Variants in DOT1L observed in about 807,000 individuals in gnomAD.
The protein encoded by DOT1L is DOT1 like histone lysine methyltransferase.
Under a neutral mutation model 153.3 loss-of-function variants are expected in DOT1L, and 33 were observed. That is an observed-to-expected ratio of 0.22 (90% CI 0.16 to 0.29). The LOEUF is 0.29. DOT1L is among the 10% of genes least tolerant of loss of function. DOT1L has a pLI of 1.00. For synonymous variants in DOT1L, 1,135 were observed against 965.1 expected (o/e 1.18, Z -3.26); for missense variants, 1,847 against 2,119.9 (o/e 0.87, Z 2.53).
At chr19:2,216,128 C>T in intron 19 of DOT1L, 153 bp from the exon 20 acceptor site, 4 of 1,171,694 alleles carry the variant, frequency 3.4e-6, no homozygotes, top group Non-Finnish European at 4.7e-6. Flanking sequence ...AGCTTCCCGA[C>T]CCCGCCTCTA....
intron 5 of DOT1L, among the ~76,000 whole-genome samples, chr19:2,192,460 G>A (rs1009672365): frequency 7.9e-5 from 12 of 152,038 alleles, no homozygotes; most frequent in Non-Finnish European, 1.5e-4. Flanking sequence ...AGCTCCTGAG[G>A]TCAGGAGTTC....
At chr19:2,164,381 C>T in intron 1 of DOT1L, 116 bp downstream of exon 1, 1 of 597,394 alleles carries the variant, frequency 1.7e-6, no homozygotes, top group Non-Finnish European at 2.4e-6. Flanking sequence ...AACGGAGACC[C>T]TGGACTCCAC....
Position 2,206,811 on chromosome 19 carries a change from A to C in DOT1L, c.856+14A>C. 2.5e-5 allele frequency: 41 copies of C among 1,609,678 alleles called. No individual in the cohort carries two copies. The highest frequency in any genetic ancestry group is 4.0e-5 in the African/African-American group (3 of 74,962). ...GAAACTTGAGTGGTAAGAAACTCTC[A>C]TGTTGTTAATGATGAACACGGGTAA... is the stretch of plus-strand genomic sequence containing the variant. On this transcript the variant is annotated intron_variant, in intron 10 of 27. Transcript: ENST00000398665.
rs1245779328 is a variant in DOT1L, at chr19:2,207,753, C to T, written c.963+73C>T. On this transcript the variant is annotated intron_variant, in intron 11 of 27. Coordinates refer to ENST00000398665, the MANE Select transcript of DOT1L (RefSeq NM_032482.3). This position sits in a 1 kb window ranked among gnomAD's most constrained non-coding sequence, Gnocchi z 4.5. The stretch of plus-strand genomic sequence containing the variant: ...CCCCGCCCACGTCACACTGCTCTCT[C>T]CTTTCTCATGTGGCCTCTGAGACCC... The T allele has an allele frequency of 4.4e-6, 6 of 1,375,694 alleles. No individual in the cohort carries two copies. In the African/African-American group the frequency reaches 7.2e-5, roughly 16 times the overall value. 85.2% of individuals were successfully genotyped at this position (1,375,694 alleles called of 1,614,324 possible). A position where few individuals can be genotyped will look rare whatever the true frequency, so the allele number is the denominator to read the frequency against.
intron 22 of DOT1L, among the ~76,000 whole-genome samples, chr19:2,219,161 C>T (rs935696492): frequency 5.9e-5 from 9 of 152,188 alleles, no homozygotes; most frequent in Non-Finnish European, 8.8e-5. Context: ...CATGAGCCAC[C>T]GCACCCGGCC....
intron 27 of DOT1L, chr19:2,228,810 C>T (rs1281724856): frequency 1.0e-6 from 1 of 985,258 alleles, no homozygotes; most frequent in African/African-American, 1.7e-5. Flanking sequence ...CAGCATGTAG[C>T]AGGCACGGTG....
At position 2,191,653 on chromosome 19, in the gene DOT1L, C is replaced by A. The variant is rs536357151; in HGVS notation, c.493+413C>A. Among the ~76,000 whole-genome samples the A allele has an allele frequency of 6.6e-6, 1 of 152,326 alleles. No homozygotes were observed. Among genetic ancestry groups the A allele is most frequent in the African/African-American group, 2.4e-5 (1 of 41,584 alleles). ...CCTTCCCTGGGCACACCTGCTCCCT[C>A]CACAGCGGCTGGAAAGGTCCCCCGC... On this transcript the variant is annotated intron_variant, in intron 5 of 27. Transcript: ENST00000398665. This position sits in a 1 kb window ranked among gnomAD's most constrained non-coding sequence, Gnocchi z 6.8.
chr19:2,202,158 A>T (rs2023313844), intron 8 of DOT1L, among the ~76,000 whole-genome samples: 1 of 152,200 alleles, frequency 6.6e-6, no homozygotes, highest in Non-Finnish European at 1.5e-5. Flanking sequence ...TCGTTTGAGG[A>T]TGCCTGGCCT....
chr19:2,194,265 G>C (rs1479708958), intron 6 of DOT1L, among the ~76,000 whole-genome samples: 5 of 152,144 alleles, frequency 3.3e-5, no homozygotes, highest in Non-Finnish European at 7.4e-5. Context: ...CCGCCACCTG[G>C]GTTCACACCA....
chr19:2,227,807 A>T (rs759208179), intron 27 of DOT1L: 53 of 1,304,972 alleles, frequency 4.1e-5, no homozygotes, highest in Non-Finnish European at 4.9e-5. Context: ...GCGGGGCTGC[A>T]TGTGGCAGCG....
intron 8 of DOT1L, among the ~76,000 whole-genome samples, chr19:2,201,549 C>A (rs925099277): frequency 2.0e-5 from 3 of 152,206 alleles, no homozygotes; most frequent in African/African-American, 7.2e-5. Context: ...CCTAGGTTCG[C>A]TCTCCTGTGT....
chr19:2,170,017 C>T (rs1040846625), intron 1 of DOT1L, among the ~76,000 whole-genome samples: 5 of 152,026 alleles, frequency 3.3e-5, no homozygotes, highest in East Asian at 1.9e-4. Context: ...ATTAGCTGGG[C>T]GTGGTGGCGG....
chr19:2,199,732 C>A, intron 7 of DOT1L, 152 bp from the exon 8 acceptor site: 7 of 1,043,090 alleles, frequency 6.7e-6, no homozygotes, highest in Non-Finnish European at 9.7e-6. Flanking sequence ...GCCTGCAGCT[C>A]CCAGGGCTGC....
intron 1 of DOT1L, among the ~76,000 whole-genome samples, chr19:2,165,703 GTAAC>G (rs2019887787): frequency 6.6e-6 from 1 of 152,158 alleles, no homozygotes; most frequent in Non-Finnish European, 1.5e-5. Context: ...AGTTCTAACT[GTAAC>G]TGACTGAAGA....
chr19:2,180,961 C>T (rs1265645710), intron 2 of DOT1L, among the ~76,000 whole-genome samples: 1 of 152,186 alleles, frequency 6.6e-6, no homozygotes, highest in Non-Finnish European at 1.5e-5. Context: ...AAGTCTTGAG[C>T]TGCTGGGGTG....
In DOT1L at chr19:2,210,790, A is replaced by C; in HGVS notation, c.1286A>C (p.Asn429Thr). Residue 429 changes from asparagine (N) to threonine (T), a missense_variant, in exon 14 of 28, where the codon AAC becomes ACC. Physicochemically the swap from Asn to Thr is moderately conservative, Grantham distance 65. Transcript: ENST00000398665. ...TANPERKPKK[N>T]QTALDALHAQ... ...AACCCCGAGCGGAAGCCCAAGAAGA[A>C]CCAAACTGCACTGGATGCCCTGCAC... 1 of 1,612,916 alleles carries C rather than the reference A, an allele frequency of 6.2e-7. No homozygotes were observed. The highest frequency in any genetic ancestry group is 1.1e-5 in the South Asian group (1 of 91,072).
intron 27 of DOT1L, chr19:2,228,103 C>T (rs1482493616): frequency 1.5e-6 from 2 of 1,353,580 alleles, no homozygotes; most frequent in East Asian, 4.7e-5. Flanking sequence ...GCTTTCTTGC[C>T]CCCCACCTCT....
chr19:2,201,003 C>G (rs1599576849), intron 8 of DOT1L, among the ~76,000 whole-genome samples: 1 of 130,226 alleles, frequency 7.7e-6, no homozygotes, highest in African/African-American at 3.0e-5. Flanking sequence ...CCTCATTCCT[C>G]GTCCTCCCCG....
In DOT1L at chr19:2,226,524, G is replaced by A. The variant is rs767914410; in HGVS notation, c.4003G>A (p.Ala1335Thr). The change falls in exon 27 of 28, where the codon GCT becomes ACT. Residue 1335 changes from alanine (A) to threonine (T), a missense_variant. By Grantham distance (58) the Ala-to-Thr change is moderately conservative. Coordinates refer to ENST00000398665, the MANE Select transcript of DOT1L (RefSeq NM_032482.3). ...DLSLHSFSDG[A>T]SLPHKGPEAA... The stretch of plus-strand genomic sequence containing the variant: ...GAGTTTACACAGCTTCAGTGATGGT[G>A]CTTCTCTTCCCCACAAGGGCCCCGA... 1.9e-6 allele frequency: 3 copies of A among 1,600,770 alleles called. No individual in the cohort carries two copies. Among genetic ancestry groups the A allele is most frequent in the Non-Finnish European group, 2.5e-6 (3 of 1,179,646 alleles).
Sources: allele counts gnomAD v4.1 joint callset (sites outside exome capture counted in the v4.1 genomes callset), GRCh38; gene constraint gnomAD v4.1.1; non-coding constraint Gnocchi (gnomAD v3.1); transcripts MANE v1.5; gene names NCBI Gene and HGNC (gene_info 2026-07-23, HGNC 2026-07-21).